The following ZCCHC14 variants were observed in gnomAD, a reference collection of about 807,000 sequenced individuals.
ZCCHC14 encodes the protein zinc finger CCHC-type containing 14.
A neutral mutation model predicts 85.0 loss-of-function variants in ZCCHC14; 16 were observed. That is an observed-to-expected ratio of 0.19 (90% CI 0.13 to 0.29). ZCCHC14 has a LOEUF of 0.29. Ranked by LOEUF, ZCCHC14 falls within the 10% of genes least tolerant of loss-of-function variation. The pLI is 1.00. For synonymous variants in ZCCHC14, 775 were observed against 630.7 expected (o/e 1.23, Z -3.43); for missense variants, 1,303 against 1,443.5 (o/e 0.90, Z 1.58).
chr16:87,417,332 G>A, intron 8 of ZCCHC14, 128 bp downstream of exon 8: 1 of 1,387,334 alleles, frequency 7.2e-7, no homozygotes. Flanking sequence ...TCTCCCTTAA[G>A]AACAGGCGCT....
In ZCCHC14 at chr16:87,408,035, C is replaced by T. The variant is rs1400480263; in HGVS notation, c.*2245G>A. ...CGACTGGCAGCTCCGCAGAGGCCTT[C>T]GCTGCTGGGAACACAGCCGTGACAG... On this transcript the variant is annotated 3_prime_UTR_variant, in exon 13 of 13. Coordinates refer to ENST00000671377, the MANE Select transcript of ZCCHC14 (RefSeq NM_015144.3). 1.3e-5 allele frequency: 2 copies of T among 152,660 alleles called. No homozygotes were observed. Among genetic ancestry groups the T allele is most frequent in the Non-Finnish European group, 2.9e-5 (2 of 68,052 alleles). The allele number at this position is 152,660 out of a possible 1,614,324, so 9.5% of individuals were successfully genotyped here. A position where few individuals can be genotyped will look rare whatever the true frequency, so the allele number is the denominator to read the frequency against.
At chr16:87,482,938 A>G (rs1179481182) in intron 1 of ZCCHC14, among the ~76,000 whole-genome samples, 2 of 152,198 alleles carry the variant, frequency 1.3e-5, no homozygotes, top group South Asian at 2.1e-4. Context: ...TGTATGCACA[A>G]TACATGCATA....
intron 2 of ZCCHC14, among the ~76,000 whole-genome samples, chr16:87,454,900 G>C (rs1910878302): frequency 1.3e-5 from 2 of 152,298 alleles, no homozygotes; most frequent in Middle Eastern, 3.4e-3. Flanking sequence ...GGCGGCCCCT[G>C]ATCTGTGTCA....
intron 1 of ZCCHC14, among the ~76,000 whole-genome samples, chr16:87,479,172 C>T (rs996975772): frequency 1.3e-5 from 2 of 151,860 alleles, no homozygotes; most frequent in African/African-American, 4.8e-5. Context: ...ATCCCAGCAC[C>T]GTGGGAGGCT....
intron 1 of ZCCHC14, among the ~76,000 whole-genome samples, chr16:87,477,151 A>AAAAAAAAAAAAC (rs1912054945): frequency 2.8e-5 from 4 of 142,184 alleles, no homozygotes; most frequent in African/African-American, 1.2e-4. Flanking sequence ...ACAAAACAAA[A>AAAAAAAAAAAAC]CCAAAAAAAA....
At chr16:87,468,169 T>C (rs1485724421) in intron 1 of ZCCHC14, among the ~76,000 whole-genome samples, 1 of 152,218 alleles carries the variant, frequency 6.6e-6, no homozygotes, top group Non-Finnish European at 1.5e-5. Flanking sequence ...TTTTTTTATA[T>C]GAAGAAGTTT....
intron 2 of ZCCHC14, among the ~76,000 whole-genome samples, chr16:87,439,582 A>AC (rs1190947188): frequency 6.6e-6 from 1 of 152,254 alleles, no homozygotes; most frequent in Non-Finnish European, 1.5e-5. Context: ...ATCTTGAGAT[A>AC]GACACCTCAC....
At chr16:87,454,131 T>C (rs1358090324) in intron 2 of ZCCHC14, among the ~76,000 whole-genome samples, 1 of 151,700 alleles carries the variant, frequency 6.6e-6, no homozygotes, top group Non-Finnish European at 1.5e-5. Context: ...AGAGAAGAAT[T>C]TGAAAAATGA....
intron 1 of ZCCHC14, among the ~76,000 whole-genome samples, chr16:87,484,282 G>A (rs528009010): frequency 6.6e-6 from 1 of 152,230 alleles, no homozygotes; most frequent in Non-Finnish European, 1.5e-5. Context: ...TGTGGGAGAA[G>A]GGACTTTCCA....
At chr16:87,426,482 TGTGCACACAGCCC>T (rs1456077894) in intron 3 of ZCCHC14, among the ~76,000 whole-genome samples, 2 of 152,218 alleles carry the variant, frequency 1.3e-5, no homozygotes, top group Non-Finnish European at 2.9e-5. Context: ...CAAAGCCCAA[TGTGCACACAGCCC>T]GTGCATGCTC....
At chr16:87,414,860 C>A (rs1908698843) in intron 9 of ZCCHC14, among the ~76,000 whole-genome samples, 1 of 152,226 alleles carries the variant, frequency 6.6e-6, no homozygotes, top group African/African-American at 2.4e-5. Flanking sequence ...GCGGGCAGAT[C>A]GCCTGAGGTC....
In ZCCHC14 at chr16:87,432,430, T is replaced by C. The variant is rs151076600; in HGVS notation, c.768+698A>G. Among the ~76,000 whole-genome samples the C allele has an allele frequency of 4.2e-3, 644 of 152,342 alleles. 5 individuals carry two copies. Among genetic ancestry groups the C allele is most frequent in the African/African-American group, 0.015 (619 of 41,586 alleles). On this transcript the variant is annotated intron_variant, in intron 3 of 12. Transcript: ENST00000671377. ...TCAAGCCTGCCTTTCTTCCTCCTGC[T>C]GCCCAGGATGAACGCGTGAGGACTG...
chr16:87,441,892 G>C (rs552961642), intron 2 of ZCCHC14, among the ~76,000 whole-genome samples: 1 of 152,242 alleles, frequency 6.6e-6, no homozygotes, highest in Non-Finnish European at 1.5e-5. Context: ...CTGGAAGGGA[G>C]ACGCTCCTCT....
chr16:87,422,240 T>G (rs1343637659), intron 4 of ZCCHC14, among the ~76,000 whole-genome samples: 2 of 152,090 alleles, frequency 1.3e-5, no homozygotes, highest in Non-Finnish European at 2.9e-5. Flanking sequence ...CACAGCAGCC[T>G]GGGCAGAACT....
intron 1 of ZCCHC14, among the ~76,000 whole-genome samples, chr16:87,485,187 C>T (rs989680516): frequency 9.9e-5 from 15 of 152,164 alleles, no homozygotes; most frequent in African/African-American, 3.6e-4. Context: ...ACCTGTCCTG[C>T]TTAATCATGC....
At chr16:87,423,704 T>A in intron 4 of ZCCHC14, 106 bp downstream of exon 4, 3 of 1,309,038 alleles carry the variant, frequency 2.3e-6, no homozygotes, top group Non-Finnish European at 3.2e-6. Context: ...CTGCGCACGC[T>A]CACTCGCTAG....
intron 1 of ZCCHC14, among the ~76,000 whole-genome samples, chr16:87,479,173 G>A (rs1395207752): frequency 2.6e-5 from 4 of 151,956 alleles, no homozygotes; most frequent in East Asian, 1.9e-4. Context: ...TCCCAGCACC[G>A]TGGGAGGCTG....
chr16:87,437,655 T>C (rs1448568331), intron 2 of ZCCHC14, among the ~76,000 whole-genome samples: 2 of 152,254 alleles, frequency 1.3e-5, no homozygotes, highest in East Asian at 1.9e-4. Context: ...CGAAGGATGA[T>C]ATACTTTTCC....
At chr16:87,463,762 G>A (rs1911387369) in intron 1 of ZCCHC14, among the ~76,000 whole-genome samples, 1 of 152,170 alleles carries the variant, frequency 6.6e-6, no homozygotes, top group South Asian at 2.1e-4. Context: ...GGTGGAGGTT[G>A]CAGTGAGCTG....
Sources: allele counts gnomAD v4.1 joint callset (sites outside exome capture counted in the v4.1 genomes callset), GRCh38; gene constraint gnomAD v4.1.1; transcripts MANE v1.5; gene names NCBI Gene and HGNC (gene_info 2026-07-23, HGNC 2026-07-21).